Variants in LAMB1 observed in about 807,000 individuals in gnomAD.
LAMB1 encodes laminin subunit beta 1.
LAMB1 carries 121 observed loss-of-function variants against 222.3 expected under a neutral mutation model. The ratio of observed to expected loss-of-function variants is 0.54; its 90% CI spans 0.47 to 0.63. LAMB1 has a LOEUF of 0.63. Among genes scored for constraint, LAMB1 ranks in the 30% least tolerant of loss-of-function variants. The probability of loss-of-function intolerance (pLI) is 0.00; values close to 1 mark genes in which losing one functional copy is unlikely to be tolerated. For missense variants in LAMB1, 2,172 were observed against 2,240.8 expected, an observed-to-expected ratio of 0.97 and a Z score of 0.62; for synonymous variants, 794 against 807.2, an observed-to-expected ratio of 0.98 and a Z score of 0.28.
chr7:107,961,310 G>T lies in LAMB1; in HGVS notation c.2005C>A (p.Pro669Thr). ...PGSRYVVLPR[P>T]VCFEKGTNYT... The stretch of plus-strand genomic sequence containing the variant: ...TTTGTTCCCTTCTCAAAGCACACCG[G>T]CCGAGGAAGGACGACATATCTGCCC... The change falls in exon 17 of 34, where the codon CCG becomes ACG. Residue 669 changes from proline to threonine, a missense_variant. Transcript: ENST00000222399. 2 of 1,614,046 alleles carry T rather than the reference G, an allele frequency of 1.2e-6. No homozygotes were observed. The highest frequency in any genetic ancestry group is 1.7e-6 in the Non-Finnish European group (2 of 1,180,006).
At chr7:107,991,064 A>AT (rs967260425) in intron 5 of LAMB1, among the ~76,000 whole-genome samples, 19 of 151,408 alleles carry the variant, frequency 1.3e-4, no homozygotes, top group East Asian at 3.9e-4. Flanking sequence ...ATGGTTCCCA[A>AT]TTTTTTTTTG....
intron 9 of LAMB1, among the ~76,000 whole-genome samples, chr7:107,977,529 T>C (rs1026034157): frequency 2.0e-5 from 3 of 152,156 alleles, no homozygotes; most frequent in African/African-American, 7.2e-5. Context: ...CTCACATCTG[T>C]AAACTCCCAG....
chr7:107,958,973 A>G (rs2033435178), intron 20 of LAMB1, among the ~76,000 whole-genome samples: 1 of 152,228 alleles, frequency 6.6e-6, no homozygotes, highest in African/African-American at 2.4e-5. Context: ...ATTTCTATAC[A>G]GCCCTATGGT....
chr7:107,961,595 T>C lies in LAMB1; in HGVS notation c.1939A>G (p.Ile647Val). Residue 647 changes from isoleucine to valine, a missense_variant, in exon 16 of 34, where the codon ATC becomes GTC. Physicochemically the swap from Ile to Val is conservative, Grantham distance 29. Coordinates refer to ENST00000222399, the MANE Select transcript of LAMB1 (RefSeq NM_002291.3). ...ACCACCTGGTTGTCATCATCGGGGA[T>C]GGTATTACCACATCGGCTGCTGGTT... The part of the protein sequence containing the change: ...IPTSSRCGNT[I>V]PDDDNQVVSL... The C allele has an allele frequency of 6.2e-7, 1 of 1,614,142 alleles. No individual in the cohort carries two copies. Among genetic ancestry groups the C allele is most frequent in the East Asian group, 2.2e-5 (1 of 44,884 alleles).
rs761764739 is a variant in LAMB1, at chr7:107,929,204, T to C, written c.4747A>G (p.Lys1583Glu). 1 of 1,613,994 alleles carries C rather than the reference T, an allele frequency of 6.2e-7. No homozygotes were observed. The highest frequency in any genetic ancestry group is 1.7e-5 in the Admixed American group (1 of 59,992). Reference sequence around the variant, plus strand: ...GTGACTTTAACATCTGTTGCACTTTTGCTGAGTAAAAAATAATGAGACAGT... The same window carrying C: ...GTGACTTTAACATCTGTTGCACTTTCGCTGAGTAAAAAATAATGAGACAGT... Reference protein sequence around the residue: ...MLLEEAKRASKSATDVKVTAD... With the variant: ...MLLEEAKRASESATDVKVTAD... Residue 1583 changes from lysine to glutamate, a missense_variant and splice_region_variant, in exon 31 of 34, where the codon AAA becomes GAA. Lys to Glu is a moderately conservative substitution (Grantham distance 56, BLOSUM62 1). Coordinates refer to ENST00000222399, the MANE Select transcript of LAMB1 (RefSeq NM_002291.3).
intron 7 of LAMB1, among the ~76,000 whole-genome samples, chr7:107,982,184 TCTC>T (rs1377813507): frequency 2.0e-5 from 3 of 152,196 alleles, no homozygotes; most frequent in Non-Finnish European, 4.4e-5. Flanking sequence ...CATTCAACCT[TCTC>T]CACGGGGTTT....
At chr7:107,947,471 T>C (rs2033142589) in intron 24 of LAMB1, among the ~76,000 whole-genome samples, 1 of 152,244 alleles carries the variant, frequency 6.6e-6, no homozygotes, top group African/African-American at 2.4e-5. Flanking sequence ...TGCTGATCTC[T>C]GGGCCCATCC....
At chr7:107,938,740 T>C (rs1164334875) in intron 25 of LAMB1, among the ~76,000 whole-genome samples, 5 of 152,148 alleles carry the variant, frequency 3.3e-5, no homozygotes, top group African/African-American at 9.7e-5. Context: ...CTCTGCACAT[T>C]AGGAGGCTTA....
rs1003345068 is a variant in LAMB1 at position 108,001,519 on chromosome 7, G to A, written c.213+39C>T. On this transcript the variant is annotated intron_variant, in intron 3 of 33. Coordinates refer to ENST00000222399, the MANE Select transcript of LAMB1 (RefSeq NM_002291.3). ...TGCCCCTTAGGTCTGGACGGGAGGA[G>A]GCGCTAGCAGAGCCTCGAACCCCGC... 9 of 1,538,594 alleles carry A rather than the reference G, an allele frequency of 5.8e-6. No individual in the cohort carries two copies. The African/African-American group carries it at 1.1e-4, about 19-fold the overall frequency.
At chr7:107,963,114 A>G in intron 14 of LAMB1, 51 bp from the exon 15 acceptor site, 1 of 1,474,474 alleles carries the variant, frequency 6.8e-7, no homozygotes, top group Non-Finnish European at 9.2e-7. Context: ...GGAATTCAAT[A>G]ATTTTCAATA....
chr7:107,926,477 G>A (rs1003952612), intron 31 of LAMB1, 118 bp from the exon 32 acceptor site: 1 of 706,214 alleles, frequency 1.4e-6, no homozygotes, highest in African/African-American at 1.8e-5. Context: ...ACCAAAAGAA[G>A]TAATTACTAA....
At chr7:107,954,632 G>T (rs901306519) in intron 21 of LAMB1, among the ~76,000 whole-genome samples, 1 of 152,118 alleles carries the variant, frequency 6.6e-6, no homozygotes, top group African/African-American at 2.4e-5. Context: ...AACAAAATTA[G>T]CCAGGCGTGG....
intron 5 of LAMB1, among the ~76,000 whole-genome samples, chr7:107,991,264 A>T (rs1485957830): frequency 6.6e-6 from 1 of 152,204 alleles, no homozygotes; most frequent in South Asian, 2.1e-4. Context: ...TTTTGGCAAG[A>T]AATGATCATT....
Position 107,935,461 on chromosome 7 carries a change from A to T in LAMB1, c.4142T>A (p.Leu1381Gln). ...QEEQARLLDE[L>Q]AGKLQSLDLS... Reference sequence around the variant, plus strand: ...GTCTAGGCTTTGTAGCTTGCCTGCCAGTTCATCAAGGAGGCGAGCCTGCTC... The same window carrying T: ...GTCTAGGCTTTGTAGCTTGCCTGCCTGTTCATCAAGGAGGCGAGCCTGCTC... The change falls in exon 27 of 34, where the codon CTG (leucine) becomes CAG (glutamine). Residue 1381 changes from leucine to glutamine, a missense_variant. By Grantham distance (113) the Leu-to-Gln change is moderately radical. Transcript: ENST00000222399. The T allele has an allele frequency of 1.2e-6, 2 of 1,602,092 alleles. No homozygotes were observed.
intron 13 of LAMB1, among the ~76,000 whole-genome samples, chr7:107,970,711 TTTAAA>T (rs1163713153): frequency 5.9e-5 from 9 of 151,860 alleles, no homozygotes; most frequent in Non-Finnish European, 2.9e-5. Context: ...AGTTAGATTA[TTTAAA>T]TTAATTAGGT....
chr7:107,988,443 C>CA (rs755574071), intron 5 of LAMB1, among the ~76,000 whole-genome samples: 146 of 138,570 alleles, frequency 1.1e-3, no homozygotes, highest in African/African-American at 2.7e-3. Flanking sequence ...ATGTCTCAAA[C>CA]AAAAAAAAAG....
At chr7:107,929,929 G>C (rs2032664835) in intron 29 of LAMB1, 2 of 377,464 alleles carry the variant, frequency 5.3e-6, no homozygotes, top group South Asian at 5.6e-5. Context: ...AAGAAGAAAG[G>C]ACAATTCCAG....
intron 12 of LAMB1, among the ~76,000 whole-genome samples, chr7:107,974,463 T>A (rs2150438071): frequency 6.6e-6 from 1 of 152,240 alleles, no homozygotes; most frequent in South Asian, 2.1e-4. Context: ...CACTTAACTA[T>A]TTTTCCACTG....
At chr7:107,969,287 CAAAAA>C (rs367658684) in intron 13 of LAMB1, among the ~76,000 whole-genome samples, 1 of 85,932 alleles carries the variant, frequency 1.2e-5, no homozygotes. Context: ...GACTCCGTCT[CAAAAA>C]AAAAAAAAAA....
Sources: gnomAD v4.1 joint callset for allele counts (sites outside exome capture counted in the v4.1 genomes callset) on GRCh38, gnomAD v4.1.1 for gene constraint, MANE v1.5 for transcripts, NCBI Gene and HGNC (gene_info 2026-07-23, HGNC 2026-07-21) for gene names.